Variants in EFEMP2 observed in about 807,000 individuals in gnomAD.
EFEMP2 encodes EGF-like fibulin extracellular matrix protein 2.
Under a neutral mutation model 55.3 loss-of-function variants are expected in EFEMP2, and 21 were observed. That is an observed-to-expected ratio of 0.38 (90% confidence interval 0.27 to 0.55). The LOEUF is 0.55. EFEMP2 is among the 20% of genes least tolerant of loss of function. EFEMP2 has a pLI of 0.77. For synonymous variants in EFEMP2, 275 were observed against 242.3 expected, an observed-to-expected ratio of 1.14 and a Z score of -1.25; for missense variants, 513 against 615.1, an observed-to-expected ratio of 0.83 and a Z score of 1.76.
chr11:65,871,915 G>C, intron 3 of EFEMP2, 55 bp downstream of exon 3: 1 of 1,543,970 alleles, frequency 6.5e-7, no homozygotes, highest in South Asian at 1.2e-5. Flanking sequence ...TTGGAAAGCA[G>C]CTATCAATCC....
In EFEMP2 at chr11:65,870,955, C is replaced by T. The variant is rs1591067534; in HGVS notation, c.367+202G>A. 1.2e-5 allele frequency: 9 copies of T among 746,712 alleles called. No homozygotes were observed. The East Asian group carries it at 2.4e-4, about 20-fold the overall frequency. The allele number at this position is 746,712 out of a possible 1,614,324, so 46.3% of individuals were successfully genotyped here. ...ACTTCCTGCAGTGTCTCTGCAGCAA[C>T]CGAGGGGAGGGGCCCGGAGCTGGCT... On this transcript the variant is annotated intron_variant, in intron 4 of 10. Coordinates refer to ENST00000307998, the MANE Select transcript of EFEMP2 (RefSeq NM_016938.5).
In EFEMP2 at chr11:65,866,571, C is replaced by T. The variant is rs1043485; in HGVS notation, c.*347G>A. On this transcript the variant is annotated 3_prime_UTR_variant, in exon 11 of 11. Coordinates refer to ENST00000307998, the MANE Select transcript of EFEMP2 (RefSeq NM_016938.5). The stretch of plus-strand genomic sequence containing the variant: ...CCTGGCGCTGTCCAGAGTGGAGTTT[C>T]TTAGGACCCCTGCAAGCCAGCCAAG... 2.8e-6 allele frequency: 2 copies of T among 702,870 alleles called. No homozygotes were observed. The highest frequency in any genetic ancestry group is 5.4e-5 in the East Asian group (2 of 37,284). The allele number at this position is 702,870 out of a possible 1,614,324, so 43.5% of individuals were successfully genotyped here.
chr11:65,868,583 G>GCA lies in EFEMP2; in HGVS notation c.772_773dup (p.Ile259AlafsTer91). 2 of 1,613,926 alleles carry GCA rather than the reference G, an allele frequency of 1.2e-6. No individual in the cohort carries two copies. The highest frequency in any genetic ancestry group is 1.7e-6 in the Non-Finnish European group (2 of 1,180,030). The stretch of plus-strand genomic sequence containing the variant: ...AGGAGAAACGGCCTGGCTCGTTGAT[G>GCA]CAGCGGTACTGACAGAGGTAGCTGG... On this transcript the variant is annotated frameshift_variant, in exon 8 of 11. Transcript: ENST00000307998. LOFTEE classifies it high-confidence loss of function.
intron 10 of EFEMP2, chr11:65,867,632 A>G: frequency 1.7e-6 from 1 of 593,586 alleles, no homozygotes; most frequent in Non-Finnish European, 3.0e-6. Context: ...ATCAATATGG[A>G]AAACCAGTAC....
In EFEMP2 at chr11:65,866,654, G is replaced by C. The variant is rs542945122; in HGVS notation, c.*264C>G. ...CCTCCTCGTTACCTCCTCTCCTCTC[G>C]GGGTGACTGAAGCTCGTGGTGCAGA... On this transcript the variant is annotated 3_prime_UTR_variant, in exon 11 of 11. Coordinates refer to ENST00000307998, the MANE Select transcript of EFEMP2 (RefSeq NM_016938.5). 1 of 703,568 alleles carries C rather than the reference G, an allele frequency of 1.4e-6. No individual in the cohort carries two copies. Among genetic ancestry groups the C allele is most frequent in the African/African-American group, 1.7e-5 (1 of 57,176 alleles). The allele number at this position is 703,568 out of a possible 1,614,324, so 43.6% of individuals were successfully genotyped here. A position where few individuals can be genotyped will look rare whatever the true frequency, so the allele number is the denominator to read the frequency against.
chr11:65,866,672 G>A lies in EFEMP2; in HGVS notation c.*246C>T. 1.4e-6 allele frequency: 1 copy of A among 704,734 alleles called. No homozygotes were observed. The highest frequency in any genetic ancestry group is 2.6e-6 in the Non-Finnish European group (1 of 386,616). The allele number at this position is 704,734 out of a possible 1,614,324, so 43.7% of individuals were successfully genotyped here. On this transcript the variant is annotated 3_prime_UTR_variant, in exon 11 of 11. Coordinates refer to ENST00000307998, the MANE Select transcript of EFEMP2 (RefSeq NM_016938.5). ...TCCTCTCGGGGTGACTGAAGCTCGT[G>A]GTGCAGAGCTCCCAGCTCCTGTCAA...
chr11:65,872,526 C>G (rs1333067261), intron 1 of EFEMP2, 157 bp downstream of exon 1: 4 of 540,394 alleles, frequency 7.4e-6, no homozygotes, highest in Non-Finnish European at 9.8e-6. Flanking sequence ...GGTCCCAGGC[C>G]CGGGTCCCAG....
chr11:65,871,036 G>T, intron 4 of EFEMP2, 121 bp downstream of exon 4: 1 of 1,217,818 alleles, frequency 8.2e-7, no homozygotes, highest in Non-Finnish European at 1.2e-6. Context: ...CAACATGAGT[G>T]TCTGGATGAG....
At chr11:65,872,544 C>G in intron 1 of EFEMP2, 139 bp downstream of exon 1, 1 of 474,798 alleles carries the variant, frequency 2.1e-6, no homozygotes, top group Non-Finnish European at 3.7e-6. Context: ...CAGGCCCACC[C>G]GCCCCGGCCA....
At chr11:65,869,461 G>A (rs1277050685) in intron 7 of EFEMP2, 1 of 322,776 alleles carries the variant, frequency 3.1e-6, no homozygotes, top group African/African-American at 2.1e-5. Context: ...AAGCACTGCA[G>A]CTTGAGACTT....
Position 65,872,284 on chromosome 11 carries a change from G to A in EFEMP2, c.71C>T (p.Ser24Leu). Residue 24 changes from serine (S) to leucine (L), a missense_variant, in exon 2 of 11, where the codon TCA becomes TTA. Transcript: ENST00000307998. ...LWALLLLLLG[S>L]ASPQDSEEPD... is the part of the protein sequence containing the mutation. ...CTCTTCAGAATCCTGAGGAGAAGCT[G>A]ATCCCAAGAGCAACAGTAGCAGCGC... is the stretch of plus-strand genomic sequence containing the variant. The A allele has an allele frequency of 1.3e-6, 2 of 1,551,712 alleles. No individual in the cohort carries two copies. Among genetic ancestry groups the A allele is most frequent in the Non-Finnish European group, 1.7e-6 (2 of 1,147,004 alleles).
rs749651807 is a variant in EFEMP2, at chr11:65,870,182, G to A, written c.546C>T (p.Gly182=). 5 of 1,613,726 alleles carry A rather than the reference G, an allele frequency of 3.1e-6. No homozygotes were observed. The Admixed American group carries it at 6.7e-5, about 22-fold the overall frequency. ...CCGGCTCGCACTGGCAGCGGAAGGA[G>A]CCAGGCAGGTTCACGCAGCGGTGCT... ...YCQHRCVNLP[G]SFRCQCEPGF... Residue 182 remains glycine, a synonymous_variant, in exon 6 of 11, where the codon GGC becomes GGT. Transcript: ENST00000307998.
rs141868759 is a variant in EFEMP2, at chr11:65,868,054, C to T, written c.977G>A (p.Arg326His). The change falls in exon 10 of 11, where the codon CGC (arginine) becomes CAC (histidine). Residue 326 changes from arginine (R) to histidine (H), a missense_variant and splice_region_variant. Coordinates refer to ENST00000307998, the MANE Select transcript of EFEMP2 (RefSeq NM_016938.5). ...VEPYIQVSEN[R>H]CLCPASNPLC... ...AGGGTTGGAGGCCGGGCAGAGACAG[C>T]GGCTAGAGACCCCGAGGTGGGGGAC... is the stretch of plus-strand genomic sequence containing the variant. The T allele has an allele frequency of 1.8e-4, 291 of 1,613,410 alleles. No homozygotes were observed. Among genetic ancestry groups the T allele is most frequent in the Non-Finnish European group, 3.7e-5 (44 of 1,179,848 alleles).
At chr11:65,868,453 G>A (rs746147986) in intron 8 of EFEMP2, 32 bp from the exon 9 acceptor site, 2 of 1,613,772 alleles carry the variant, frequency 1.2e-6, no homozygotes, top group Non-Finnish European at 1.7e-6. Flanking sequence ...GGAATCGGGG[G>A]CGTCAGGCTG....
In EFEMP2 at chr11:65,867,979, G is replaced by C. The variant is rs1425890471; in HGVS notation, c.1052C>G (p.Thr351Ser). 1 of 1,613,998 alleles carries C rather than the reference G, an allele frequency of 6.2e-7. No individual in the cohort carries two copies. Reference protein sequence around the residue: ...SSIVHRYMTITSERSVPADVF... With the variant: ...SSIVHRYMTISSERSVPADVF... ...GTCAGCGGGCACGCTCCGCTCCGAG[G>C]TGATGGTCATGTAGCGGTGCACAAT... The change falls in exon 10 of 11, where the codon ACC becomes AGC. Residue 351 changes from threonine to serine, a missense_variant. Coordinates refer to ENST00000307998, the MANE Select transcript of EFEMP2 (RefSeq NM_016938.5).
intron 3 of EFEMP2, 61 bp from the exon 4 acceptor site, chr11:65,871,424 G>A: frequency 6.6e-7 from 1 of 1,526,684 alleles, no homozygotes; most frequent in Non-Finnish European, 9.1e-7. Flanking sequence ...AGGGAGCGGA[G>A]GCAGGAACCC....
intron 7 of EFEMP2, 59 bp downstream of exon 7, chr11:65,869,798 C>T (rs1006817093): frequency 1.7e-5 from 28 of 1,609,424 alleles, no homozygotes; most frequent in South Asian, 4.4e-5. Context: ...GCAGGAGGCA[C>T]GGCATAGCTA....
Position 65,871,339 on chromosome 11 carries a change from G to A in EFEMP2, c.185C>T (p.Pro62Leu). The A allele has an allele frequency of 2.5e-6, 4 of 1,614,196 alleles. No individual in the cohort carries two copies. Among genetic ancestry groups the A allele is most frequent in the African/African-American group, 1.3e-5 (1 of 75,060 alleles). The change falls in exon 4 of 11, where the codon CCT becomes CTT. Residue 62 changes from proline (P) to leucine (L), a missense_variant. By Grantham distance (98) the Pro-to-Leu change is moderately conservative (BLOSUM62 -3). Coordinates refer to ENST00000307998, the MANE Select transcript of EFEMP2 (RefSeq NM_016938.5). ...CRDVNECLTI[P>L]EACKGEMKCI... ...CTTCATTTCCCCCTTGCAGGCCTCA[G>A]GGATGGTCAGACACTCGTTGACATC...
At chr11:65,868,470 C>T (rs1022753423) in intron 8 of EFEMP2, 40 bp downstream of exon 8, 3 of 1,613,698 alleles carry the variant, frequency 1.9e-6, no homozygotes, top group Non-Finnish European at 2.5e-6. Flanking sequence ...GCTGCCAGCT[C>T]CTGACACCGT....
Sources: gnomAD v4.1 joint callset for allele counts on GRCh38, gnomAD v4.1.1 for gene constraint, MANE v1.5 for transcripts, NCBI Gene and HGNC (gene_info 2026-07-23, HGNC 2026-07-21) for gene names.